Variants in SNX22 observed in about 807,000 individuals in gnomAD.
The protein encoded by SNX22 is sorting nexin 22.
In SNX22, 23 loss-of-function variants were observed where a neutral mutation model predicts 24.7. That is an observed-to-expected ratio of 0.93 (90% CI 0.67 to 1.32). The LOEUF (loss-of-function observed/expected upper bound fraction) is 1.32. Among genes scored for constraint, SNX22 ranks in the 40% most tolerant of loss-of-function variants. The pLI is 0.00. For missense variants in SNX22, 261 were observed against 249.9 expected (o/e 1.04, Z -0.30); for synonymous variants, 99 against 104.0 (o/e 0.95, Z 0.29).
At chr15:64,152,798 A>AGACAGAGAGGTGTGGGGGCAT (rs2081497141) in intron 3 of SNX22, 56 bp downstream of exon 3, 4 of 1,522,720 alleles carry the variant, frequency 2.6e-6, no homozygotes, top group Non-Finnish European at 3.6e-6. Flanking sequence ...GGTGTGGCCC[A>AGACAGAGAGGTGTGGGGGCAT]GACAGAGAGG....
At position 64,156,634 on chromosome 15, in the gene SNX22, A is replaced by T. The variant is rs764378674; in HGVS notation, c.*2126A>T. 74 of 1,504,554 alleles carry T rather than the reference A, an allele frequency of 4.9e-5. No homozygotes were observed. Among genetic ancestry groups the T allele is most frequent in the Non-Finnish European group, 2.7e-5 (29 of 1,080,958 alleles). 93.2% of individuals were successfully genotyped at this position (1,504,554 alleles called of 1,614,324 possible). ...ATCTGTGGGTTGGGTCCTTTTGGGA[A>T]AGGGATGGACACATGGAGCTCCTGC... On this transcript the variant is annotated 3_prime_UTR_variant, in exon 7 of 7. Transcript: ENST00000325881. This position sits in a 1 kb window ranked among gnomAD's most constrained non-coding sequence, Gnocchi z 6.4.
rs1300849047 is a variant in SNX22 at position 64,151,745 on chromosome 15, A to G, written c.-31A>G. ...CCGGGAGAGTTAGGGCTCCGAGCCGAGCGCGCGGAGCAGCTGGGGCCGGGG... is the reference window on the plus strand; with the variant it reads ...CCGGGAGAGTTAGGGCTCCGAGCCGGGCGCGCGGAGCAGCTGGGGCCGGGG... On this transcript the variant is annotated 5_prime_UTR_variant, in exon 1 of 7. Transcript: ENST00000325881. The G allele has an allele frequency of 6.6e-7, 1 of 1,520,326 alleles. No individual in the cohort carries two copies. The highest frequency in any genetic ancestry group is 2.0e-5 in the Admixed American group (1 of 48,990). The allele number at this position is 1,520,326 out of a possible 1,614,324, so 94.2% of individuals were successfully genotyped here. A position where few individuals can be genotyped will look rare whatever the true frequency, so the allele number is the denominator to read the frequency against.
At chr15:64,153,484 T>C in intron 4 of SNX22, 145 bp downstream of exon 4, 2 of 1,291,938 alleles carry the variant, frequency 1.5e-6, no homozygotes, top group Admixed American at 2.9e-5. Context: ...GTGGAGGGGC[T>C]TTTTTTTGGA....
In SNX22 at chr15:64,151,931, C is replaced by A; in HGVS notation, c.75+81C>A. The A allele has an allele frequency of 2.2e-6, 3 of 1,338,444 alleles. No homozygotes were observed. The South Asian group carries it at 4.1e-5, about 19-fold the overall frequency. 82.9% of individuals were successfully genotyped at this position (1,338,444 alleles called of 1,614,324 possible). Reference sequence around the variant, plus strand: ...CTGCGCTCAGTGGGGACCCGGGGCCCGGGCCTGGGTGAACGAGCGCTGCGG... The same window carrying A: ...CTGCGCTCAGTGGGGACCCGGGGCCAGGGCCTGGGTGAACGAGCGCTGCGG... On this transcript the variant is annotated intron_variant, in intron 1 of 6. Coordinates refer to ENST00000325881, the MANE Select transcript of SNX22 (RefSeq NM_024798.3).
rs2081487494 is a variant in SNX22, at chr15:64,151,800, G to C, written c.25G>C (p.Val9Leu). 1 of 1,538,280 alleles carries C rather than the reference G, an allele frequency of 6.5e-7. No individual in the cohort carries two copies. The highest frequency in any genetic ancestry group is 8.7e-7 in the Non-Finnish European group (1 of 1,144,318). Residue 9 changes from valine to leucine, a missense_variant, in exon 1 of 7, where the codon GTG becomes CTG. Val to Leu is a conservative substitution (Grantham distance 32, BLOSUM62 1). Transcript: ENST00000325881. MLEVHIPS[V>L]GPEAEGPRQS... is the part of the protein sequence containing the mutation. ...GATGCTGGAAGTTCACATCCCGTCG[G>C]TGGGGCCCGAGGCCGAGGGGCCCAG...
Position 64,156,155 on chromosome 15 carries a change from A to G in SNX22, c.*1647A>G, listed in dbSNP as rs2081529595. 2 of 1,613,946 alleles carry G rather than the reference A, an allele frequency of 1.2e-6. No individual in the cohort carries two copies. The highest frequency in any genetic ancestry group is 1.7e-6 in the Non-Finnish European group (2 of 1,180,030). ...CCTTCCGCACCACCTCCTGGAAAAG[A>G]AAGGTGGAAGCAGGAGGGCATGGTG... On this transcript the variant is annotated 3_prime_UTR_variant, in exon 7 of 7. Transcript: ENST00000325881. The surrounding 1 kb of genome is among the most constrained non-coding windows in gnomAD (Gnocchi z 6.4).
chr15:64,153,037 C>T lies in SNX22; in HGVS notation c.265-208C>T, dbSNP rs551523573. 22 of 645,536 alleles carry T rather than the reference C, an allele frequency of 3.4e-5. No homozygotes were observed. In the African/African-American group the frequency reaches 3.7e-4, roughly 11 times the overall value. 40.0% of individuals were successfully genotyped at this position (645,536 alleles called of 1,614,324 possible). A position where few individuals can be genotyped will look rare whatever the true frequency, so the allele number is the denominator to read the frequency against. ...GATGGCATGTAGGGTGAGGGTCCTT[C>T]CCCCAACAGCAAAGCTATGCCGCGT... On this transcript the variant is annotated intron_variant, in intron 3 of 6. Transcript: ENST00000325881.
rs141685419 is a variant in SNX22, at chr15:64,154,400, C to A, written c.474C>A (p.Asn158Lys). ...VCNPSPESLP[N>K]VVVNGVLQGL... ...TCTATCCCACAGAGTCGCTGCCCAA[C>A]GTGGTGGTGAATGGTGTGCTCCAGG... Residue 158 changes from asparagine (N) to lysine (K), a missense_variant, in exon 7 of 7, where the codon AAC (asparagine) becomes AAA (lysine). Transcript: ENST00000325881. The A allele has an allele frequency of 1.4e-5, 23 of 1,614,040 alleles. No homozygotes were observed. The highest frequency in any genetic ancestry group is 1.4e-5 in the Non-Finnish European group (16 of 1,180,038).
chr15:64,155,922 G>A lies in SNX22; in HGVS notation c.*1414G>A, dbSNP rs1333990776. 9.5e-6 allele frequency: 15 copies of A among 1,573,492 alleles called. No homozygotes were observed. The highest frequency in any genetic ancestry group is 4.1e-5 in the African/African-American group (3 of 74,062). ...TGTGGAATGTGAGGGGAGTGGGTCC[G>A]CTCCACCAGATGCCAGCACCGGGGC... On this transcript the variant is annotated 3_prime_UTR_variant, in exon 7 of 7. Coordinates refer to ENST00000325881, the MANE Select transcript of SNX22 (RefSeq NM_024798.3).
At chr15:64,152,503 G>C (rs748008015) in intron 2 of SNX22, 135 bp from the exon 3 acceptor site, 21 of 1,214,856 alleles carry the variant, frequency 1.7e-5, no homozygotes, top group Non-Finnish European at 2.3e-5. Flanking sequence ...CCTCGCCCTC[G>C]GCCGGTCCAC....
chr15:64,152,710 C>G lies in SNX22; in HGVS notation c.232C>G (p.Gln78Glu). ...LPNWRTRGLE[Q>E]RRQGLEAYIQ... ...CAACTGGAGGACCAGAGGGTTGGAA[C>G]AGCGCCGGCAGGGCTTGGAGGCTTA... Residue 78 changes from glutamine (Q) to glutamate (E), a missense_variant, in exon 3 of 7, where the codon CAG (glutamine) becomes GAG (glutamate). Coordinates refer to ENST00000325881, the MANE Select transcript of SNX22 (RefSeq NM_024798.3). The G allele has an allele frequency of 6.2e-7, 1 of 1,614,242 alleles. No homozygotes were observed. The highest frequency in any genetic ancestry group is 8.5e-7 in the Non-Finnish European group (1 of 1,180,028).
chr15:64,156,032 G>A lies in SNX22; in HGVS notation c.*1524G>A. ...AAGATGTCCCTGTGCCCTACTCCTT[G>A]GCGATGGCAAAGGGCTTCTCCACCT... On this transcript the variant is annotated 3_prime_UTR_variant, in exon 7 of 7. Transcript: ENST00000325881. The surrounding 1 kb of genome is among the most constrained non-coding windows in gnomAD (Gnocchi z 6.4). The A allele has an allele frequency of 6.2e-7, 1 of 1,614,176 alleles. No homozygotes were observed. Among genetic ancestry groups the A allele is most frequent in the Non-Finnish European group, 8.5e-7 (1 of 1,180,034 alleles).
At chr15:64,152,827 A>T in intron 3 of SNX22, 85 bp downstream of exon 3, 3 of 1,229,366 alleles carry the variant, frequency 2.4e-6, no homozygotes, top group Non-Finnish European at 3.5e-6. Flanking sequence ...CATGGCAGGG[A>T]GGGAACCCAC....
At chr15:64,152,218 A>T in intron 1 of SNX22, 25 bp from the exon 2 acceptor site, 1 of 1,385,762 alleles carries the variant, frequency 7.2e-7, no homozygotes, top group South Asian at 1.6e-5. Context: ...TCACGCGCAG[A>T]CCCGCTGCCC....
At position 64,156,506 on chromosome 15, in the gene SNX22, A is replaced by G; in HGVS notation, c.*1998A>G. Reference sequence around the variant, plus strand: ...TGAAGGAGGGGAGGGAGGCTCTGGCAGTTGTGCAGCCTTCCTGGCTGGGCT... The same window carrying G: ...TGAAGGAGGGGAGGGAGGCTCTGGCGGTTGTGCAGCCTTCCTGGCTGGGCT... On this transcript the variant is annotated 3_prime_UTR_variant, in exon 7 of 7. Coordinates refer to ENST00000325881, the MANE Select transcript of SNX22 (RefSeq NM_024798.3). The surrounding 1 kb of genome is among the most constrained non-coding windows in gnomAD (Gnocchi z 6.4). The G allele has an allele frequency of 3.0e-6, 2 of 657,600 alleles. No homozygotes were observed. Among genetic ancestry groups the G allele is most frequent in the Non-Finnish European group, 5.3e-6 (2 of 374,916 alleles). 40.7% of individuals were successfully genotyped at this position (657,600 alleles called of 1,614,324 possible). A position where few individuals can be genotyped will look rare whatever the true frequency, so the allele number is the denominator to read the frequency against.
Position 64,153,973 on chromosome 15 carries a change from T to G in SNX22, c.431T>G (p.Val144Gly). 6.2e-7 allele frequency: 1 copy of G among 1,613,930 alleles called. No homozygotes were observed. Among genetic ancestry groups the G allele is most frequent in the South Asian group, 1.1e-5 (1 of 91,070 alleles). ...QHQRPVLSFHVDPYVCNPSPE... is the reference protein window; with the variant it reads ...QHQRPVLSFHGDPYVCNPSPE... ...CAGCGGCCTGTCCTGAGCTTCCATGTGGATCCCTATGTTTGCAACCCCTCC... is the reference window on the plus strand; with the variant it reads ...CAGCGGCCTGTCCTGAGCTTCCATGGGGATCCCTATGTTTGCAACCCCTCC... The change falls in exon 6 of 7, where the codon GTG becomes GGG. Residue 144 changes from valine (V) to glycine (G), a missense_variant. By Grantham distance (109) the Val-to-Gly change is moderately radical. Transcript: ENST00000325881.
chr15:64,152,537 A>G, intron 2 of SNX22, 101 bp from the exon 3 acceptor site: 2 of 1,303,092 alleles, frequency 1.5e-6, no homozygotes, highest in Non-Finnish European at 1.1e-6. Flanking sequence ...CTGTCCCAGT[A>G]GAGCCCGAAG....
At position 64,156,911 on chromosome 15, in the gene SNX22, TG is replaced by T; in HGVS notation, c.*2406del. 2 of 1,613,924 alleles carry T rather than the reference TG, an allele frequency of 1.2e-6. No individual in the cohort carries two copies. Among genetic ancestry groups the T allele is most frequent in the Non-Finnish European group, 1.7e-6 (2 of 1,179,916 alleles). ...AGCGCTCACCGTAGATGCTCTTTCC[TG>T]GGAAAAAAGACAGAGCAGGTCAGGG... On this transcript the variant is annotated 3_prime_UTR_variant, in exon 7 of 7. Coordinates refer to ENST00000325881, the MANE Select transcript of SNX22 (RefSeq NM_024798.3). This position sits in a 1 kb window ranked among gnomAD's most constrained non-coding sequence, Gnocchi z 6.4.
chr15:64,155,993 C>T lies in SNX22; in HGVS notation c.*1485C>T, dbSNP rs771559275. On this transcript the variant is annotated 3_prime_UTR_variant, in exon 7 of 7. Coordinates refer to ENST00000325881, the MANE Select transcript of SNX22 (RefSeq NM_024798.3). ...TGGCGGACTACAGGGCCTGCACAGA[C>T]GGTCACTCAAAGAAAGATGTCCCTG... The T allele has an allele frequency of 9.3e-6, 15 of 1,613,912 alleles. 1 individual carries two copies. Among genetic ancestry groups the T allele is most frequent in the African/African-American group, 1.3e-5 (1 of 74,924 alleles).
Sources: gnomAD v4.1 joint callset for allele counts on GRCh38, gnomAD v4.1.1 for gene constraint, Gnocchi (gnomAD v3.1) non-coding constraint, MANE v1.5 for transcripts, NCBI Gene and HGNC (gene_info 2026-07-23, HGNC 2026-07-21) for gene names.